ZNF326: variants seen among roughly 807,000 people sequenced by gnomAD.
ZNF326 encodes zinc finger protein 326.
Under a neutral mutation model 63.1 loss-of-function variants are expected in ZNF326, and 30 were observed. The observed-to-expected ratio is 0.48, with a 90% CI of 0.36 to 0.64. ZNF326 has a LOEUF of 0.64. ZNF326 is among the 30% of genes least tolerant of loss of function. The pLI is 0.00. For synonymous variants in ZNF326, 194 were observed against 228.2 expected (o/e 0.85, Z 1.35); for missense variants, 609 against 720.3 (o/e 0.85, Z 1.77).
intron 9 of ZNF326, among the ~76,000 whole-genome samples, chr1:90,020,242 C>G (rs1160195971): frequency 6.6e-6 from 1 of 151,842 alleles, no homozygotes; most frequent in Non-Finnish European, 1.5e-5. Flanking sequence ...TTATTTAGGC[C>G]CTTCTTTTTT....
intron 5 of ZNF326, among the ~76,000 whole-genome samples, chr1:90,008,943 G>A (rs1649115655): frequency 6.6e-6 from 1 of 152,132 alleles, no homozygotes; most frequent in Non-Finnish European, 1.5e-5. Context: ...GTAAGCAACT[G>A]ATACATTACA....
chr1:90,005,621 T>C (rs1648951431), intron 4 of ZNF326: 1 of 938,338 alleles, frequency 1.1e-6, no homozygotes, highest in Non-Finnish European at 1.3e-6. Context: ...AAAAAATCTT[T>C]TCTAATGTGG....
At chr1:90,008,272 T>C (rs1183544494) in intron 5 of ZNF326, among the ~76,000 whole-genome samples, 1 of 152,204 alleles carries the variant, frequency 6.6e-6, no homozygotes, top group East Asian at 1.9e-4. Flanking sequence ...GGTGAAGAAG[T>C]TGATGTGTAT....
At chr1:90,000,919 T>TAC (rs1648643782) in intron 2 of ZNF326, among the ~76,000 whole-genome samples, 1 of 152,172 alleles carries the variant, frequency 6.6e-6, no homozygotes, top group Non-Finnish European at 1.5e-5. Flanking sequence ...AAAATGGGTA[T>TAC]ACACCTTGTG....
rs1388598173 is a variant in ZNF326, at chr1:90,035,380, T to C, written c.*7679T>C. 6.6e-6 allele frequency: 1 copy of C among 152,174 alleles called. No homozygotes were observed. Among genetic ancestry groups the C allele is most frequent in the East Asian group, 1.9e-4 (1 of 5,196 alleles). 9.4% of individuals were successfully genotyped at this position (152,174 alleles called of 1,614,324 possible). A position where few individuals can be genotyped will look rare whatever the true frequency, so the allele number is the denominator to read the frequency against. On this transcript the variant is annotated 3_prime_UTR_variant, in exon 12 of 12. Transcript: ENST00000340281. ...ATATAGAAAATCTGTATATAGAATA[T>C]AGCATTGGCCAATTGGAAATGTAAT... is the stretch of plus-strand genomic sequence containing the variant.
At chr1:90,010,357 A>G in intron 6 of ZNF326, 71 bp downstream of exon 6, 2 of 1,491,892 alleles carry the variant, frequency 1.3e-6, no homozygotes, top group Non-Finnish European at 9.1e-7. Context: ...CTTTTTGGTA[A>G]TTTTTTCATG....
intron 4 of ZNF326, chr1:90,006,310 CACTT>C (rs1648985296): frequency 3.1e-6 from 3 of 977,216 alleles, no homozygotes; most frequent in Non-Finnish European, 1.2e-6. Flanking sequence ...AGTAATGTAA[CACTT>C]AATGTTTTAA....
intron 11 of ZNF326, among the ~76,000 whole-genome samples, chr1:90,025,299 A>G (rs1649964319): frequency 6.6e-6 from 1 of 152,020 alleles, no homozygotes; most frequent in Non-Finnish European, 1.5e-5. Context: ...ATCTCCAAAA[A>G]TGCTTCTCTT....
At position 90,007,782 on chromosome 1, in the gene ZNF326, T is replaced by C. The variant is rs775161925; in HGVS notation, c.615+32T>C. On this transcript the variant is annotated intron_variant, in intron 5 of 11. Transcript: ENST00000340281. This position sits in a 1 kb window ranked among gnomAD's most constrained non-coding sequence, Gnocchi z 4.9. ...ACAACAGAATCTTTTCAGATTCTTT[T>C]CACTAGTCACTCTTTTAAACCCTTT... is the stretch of plus-strand genomic sequence containing the variant. 1 of 1,476,600 alleles carries C rather than the reference T, an allele frequency of 6.8e-7. No individual in the cohort carries two copies. Among genetic ancestry groups the C allele is most frequent in the Non-Finnish European group, 9.0e-7 (1 of 1,111,338 alleles). The allele number at this position is 1,476,600 out of a possible 1,614,324, so 91.5% of individuals were successfully genotyped here. A position where few individuals can be genotyped will look rare whatever the true frequency, so the allele number is the denominator to read the frequency against.
chr1:89,998,205 C>T, intron 2 of ZNF326, 51 bp downstream of exon 2: 1 of 1,582,544 alleles, frequency 6.3e-7, no homozygotes. Context: ...AATATAGTAT[C>T]AATGTAAAAG....
At chr1:89,997,760 T>G (rs1488643155) in intron 1 of ZNF326, among the ~76,000 whole-genome samples, 1 of 152,236 alleles carries the variant, frequency 6.6e-6, no homozygotes, top group Non-Finnish European at 1.5e-5. Context: ...TCAGATGTCT[T>G]TGCTTTTGCA....
intron 2 of ZNF326, among the ~76,000 whole-genome samples, chr1:89,999,615 A>G (rs993049368): frequency 6.6e-6 from 1 of 152,212 alleles, no homozygotes; most frequent in African/African-American, 2.4e-5. Flanking sequence ...CTTTTCACAC[A>G]TAGCCTATAC....
chr1:90,016,947 G>T (rs1007360083), intron 7 of ZNF326, among the ~76,000 whole-genome samples: 2 of 152,154 alleles, frequency 1.3e-5, no homozygotes, highest in African/African-American at 4.8e-5. Flanking sequence ...ACTACCATTG[G>T]TTTAGAAGCT....
chr1:90,021,040 A>G (rs902763994), intron 10 of ZNF326, 118 bp downstream of exon 10: 1 of 1,101,414 alleles, frequency 9.1e-7, no homozygotes. Context: ...TCATATGGAA[A>G]TAACTGTAAG....
At chr1:89,998,002 G>A (rs1648479599) in intron 1 of ZNF326, 108 bp from the exon 2 acceptor site, 3 of 879,168 alleles carry the variant, frequency 3.4e-6, no homozygotes, top group Non-Finnish European at 1.8e-6. Flanking sequence ...CAGATAATTG[G>A]GTTAATGTCA....
rs1413266978 is a variant in ZNF326, at chr1:90,027,464, T to C, written c.1512T>C (p.Asp504=). Residue 504 remains aspartate, a synonymous_variant, in exon 12 of 12, where the codon GAT becomes GAC. Transcript: ENST00000340281. The stretch of plus-strand genomic sequence containing the variant: ...CTATTGAAGAAGAGGAGGATGAAGA[T>C]GAGGAAGAAGAAGCAGAGGAAGTGG... ...DEPIEEEEDE[D]EEEEAEEVGE... 5.0e-6 allele frequency: 8 copies of C among 1,611,910 alleles called. No homozygotes were observed. The East Asian group carries it at 1.8e-4, about 36-fold the overall frequency.
At chr1:90,000,619 C>T (rs1570289143) in intron 2 of ZNF326, among the ~76,000 whole-genome samples, 1 of 152,048 alleles carries the variant, frequency 6.6e-6, no homozygotes, top group Non-Finnish European at 1.5e-5. Flanking sequence ...ATGGGAGGAT[C>T]GATTGAGCCC....
chr1:90,027,738 C>T lies in ZNF326; in HGVS notation c.*37C>T, dbSNP rs369513541. ...TAGATTTAAAAGGAGCTTTACATTTCGGTTCTAATGTAAAAAAGGGTAAGA... is the reference window on the plus strand; with the variant it reads ...TAGATTTAAAAGGAGCTTTACATTTTGGTTCTAATGTAAAAAAGGGTAAGA... On this transcript the variant is annotated 3_prime_UTR_variant, in exon 12 of 12. Coordinates refer to ENST00000340281, the MANE Select transcript of ZNF326 (RefSeq NM_182976.4). The T allele has an allele frequency of 1.9e-4, 302 of 1,595,522 alleles. No individual in the cohort carries two copies. In the Middle Eastern group the frequency reaches 3.8e-3, roughly 20 times the overall value.
In ZNF326 at chr1:90,035,136, A is replaced by G. The variant is rs1016305144; in HGVS notation, c.*7435A>G. On this transcript the variant is annotated 3_prime_UTR_variant, in exon 12 of 12. Transcript: ENST00000340281. Reference sequence around the variant, plus strand: ...CTAGGAAGGTCTTCCAGAAAGCTTCATCAAACATCTGCATTCAAGTCAGGA... The same window carrying G: ...CTAGGAAGGTCTTCCAGAAAGCTTCGTCAAACATCTGCATTCAAGTCAGGA... 4.6e-5 allele frequency: 7 copies of G among 152,236 alleles called. No individual in the cohort carries two copies. In the East Asian group the frequency reaches 1.3e-3, roughly 29 times the overall value. The allele number at this position is 152,236 out of a possible 1,614,324, so 9.4% of individuals were successfully genotyped here.
Sources: gnomAD v4.1 joint callset for allele counts (sites outside exome capture counted in the v4.1 genomes callset) on GRCh38, gnomAD v4.1.1 for gene constraint, Gnocchi (gnomAD v3.1) non-coding constraint, MANE v1.5 for transcripts, NCBI Gene and HGNC (gene_info 2026-07-23, HGNC 2026-07-21) for gene names.